The following DPY19L3 variants were observed in gnomAD, a reference collection of about 807,000 sequenced individuals.
DPY19L3 encodes the protein dpy-19 like C-mannosyltransferase 3.
In DPY19L3, 51 loss-of-function variants were observed where a neutral mutation model predicts 92.3. That is an observed-to-expected ratio of 0.55 (90% CI 0.44 to 0.70). DPY19L3 has a LOEUF of 0.70. DPY19L3 is among the 30% of genes least tolerant of loss of function. DPY19L3 has a pLI of 0.00. For missense variants in DPY19L3, 706 were observed against 855.9 expected (o/e 0.82, Z 2.18); for synonymous variants, 309 against 315.2 (o/e 0.98, Z 0.21).
Position 32,432,713 on chromosome 19 carries a change from T to G in DPY19L3, c.238-3T>G, listed in dbSNP as rs766754112. ...AAACCCATAGGATCTAACTCTGTTT[T>G]AGGAAGTGGAGCGAGAAATCTCATT... On this transcript the variant is annotated splice_region_variant and splice_polypyrimidine_tract_variant and intron_variant, in intron 3 of 18. Coordinates refer to ENST00000392250, the MANE Select transcript of DPY19L3 (RefSeq NM_001172774.2). The G allele has an allele frequency of 6.2e-7, 1 of 1,613,488 alleles. No individual in the cohort carries two copies. The highest frequency in any genetic ancestry group is 1.3e-5 in the African/African-American group (1 of 74,922).
chr19:32,480,802 G>A, intron 18 of DPY19L3: 1 of 555,166 alleles, frequency 1.8e-6, no homozygotes. Context: ...AAACAGAGCA[G>A]CTCTGCCTTC....
chr19:32,432,643 C>A, intron 3 of DPY19L3, 73 bp from the exon 4 acceptor site: 1 of 1,282,394 alleles, frequency 7.8e-7, no homozygotes, highest in Non-Finnish European at 1.1e-6. Context: ...AGTTATGTAT[C>A]CTTTCTACAG....
intron 17 of DPY19L3, among the ~76,000 whole-genome samples, chr19:32,478,776 A>G (rs1354096510): frequency 6.6e-6 from 1 of 152,204 alleles, no homozygotes; most frequent in East Asian, 1.9e-4. Context: ...TGGATGTGGC[A>G]TATTTTATTT....
At chr19:32,408,088 G>A (rs867914686) in intron 1 of DPY19L3, 129 bp from the exon 2 acceptor site, 72 of 597,098 alleles carry the variant, frequency 1.2e-4, no homozygotes, top group African/African-American at 1.1e-3. Flanking sequence ...GTCTTGGGGG[G>A]AAGAAAAAAA....
At chr19:32,441,170 A>G (rs771863961) in intron 8 of DPY19L3, among the ~76,000 whole-genome samples, 2 of 152,206 alleles carry the variant, frequency 1.3e-5, no homozygotes, top group Non-Finnish European at 2.9e-5. Context: ...TGTCCTAAGT[A>G]AATAATCTGC....
intron 16 of DPY19L3, 142 bp downstream of exon 16, chr19:32,468,955 A>T: frequency 1.4e-6 from 1 of 697,944 alleles, no homozygotes. Flanking sequence ...TTTCTTTAAA[A>T]CTCCATATTT....
At chr19:32,456,810 A>G (rs1057190089) in intron 10 of DPY19L3, among the ~76,000 whole-genome samples, 2 of 152,106 alleles carry the variant, frequency 1.3e-5, no homozygotes, top group Admixed American at 6.6e-5. Flanking sequence ...GTGTCAAAAT[A>G]TCTCATATAC....
At chr19:32,437,059 T>G in intron 5 of DPY19L3, 135 bp from the exon 6 acceptor site, 3 of 981,512 alleles carry the variant, frequency 3.1e-6, no homozygotes, top group East Asian at 2.6e-5. Context: ...CTCTAATAGA[T>G]GAAAGGGGTG....
chr19:32,448,461 C>T lies in DPY19L3; in HGVS notation c.856-4684C>T, dbSNP rs933634366. Among the ~76,000 whole-genome samples, 10 of 152,234 alleles carry T rather than the reference C, an allele frequency of 6.6e-5. No individual in the cohort carries two copies. In the East Asian group the frequency reaches 1.7e-3, roughly 26 times the overall value. Reference sequence around the variant, plus strand: ...ATTTTTGACTCCCCAAAAACTCAATCGCTAGTAGCCTACTGTTGACCAGAA... The same window carrying T: ...ATTTTTGACTCCCCAAAAACTCAATTGCTAGTAGCCTACTGTTGACCAGAA... On this transcript the variant is annotated intron_variant, in intron 8 of 18. Coordinates refer to ENST00000392250, the MANE Select transcript of DPY19L3 (RefSeq NM_001172774.2).
intron 3 of DPY19L3, among the ~76,000 whole-genome samples, chr19:32,422,105 C>T (rs1051023808): frequency 6.6e-6 from 1 of 152,082 alleles, no homozygotes; most frequent in African/African-American, 2.4e-5. Flanking sequence ...TCTGACATAA[C>T]TGATAAGGAA....
chr19:32,469,685 A>G (rs1341261294), intron 16 of DPY19L3, among the ~76,000 whole-genome samples: 5 of 152,142 alleles, frequency 3.3e-5, no homozygotes, highest in South Asian at 2.1e-4. Context: ...CTTGAATATC[A>G]TAATGCTTTA....
At chr19:32,456,775 T>C (rs1969879304) in intron 10 of DPY19L3, among the ~76,000 whole-genome samples, 1 of 152,160 alleles carries the variant, frequency 6.6e-6, no homozygotes, top group Non-Finnish European at 1.5e-5. Context: ...TTTATCCTGA[T>C]GGAATTATTA....
chr19:32,413,521 A>T (rs963137577), intron 3 of DPY19L3, among the ~76,000 whole-genome samples: 3 of 151,816 alleles, frequency 2.0e-5, no homozygotes, highest in African/African-American at 7.3e-5. Flanking sequence ...ACATATGTAT[A>T]CATGTGCCAT....
In DPY19L3 at chr19:32,480,511, G is replaced by A. The variant is rs141957585; in HGVS notation, c.1943G>A (p.Arg648His). ...EDSICYERRH[R>H]RGCRLRDLLD... ...AGCATCTGCTACGAGCGGAGGCACC[G>A]CCGGGGCTGCCGACTCCGGGACCTG... Residue 648 changes from arginine to histidine, a missense_variant, in exon 18 of 19, where the codon CGC (arginine) becomes CAC (histidine). By Grantham distance (29) the Arg-to-His change is conservative. Coordinates refer to ENST00000392250, the MANE Select transcript of DPY19L3 (RefSeq NM_001172774.2). The A allele has an allele frequency of 3.6e-5, 58 of 1,613,964 alleles. No homozygotes were observed. The highest frequency in any genetic ancestry group is 6.7e-5 in the African/African-American group (5 of 74,942).
chr19:32,463,568 A>G, intron 13 of DPY19L3, 80 bp downstream of exon 13: 1 of 1,465,978 alleles, frequency 6.8e-7, no homozygotes, highest in Non-Finnish European at 9.3e-7. Flanking sequence ...GGAAAGTGAC[A>G]ATCATCTTCA....
intron 3 of DPY19L3, among the ~76,000 whole-genome samples, chr19:32,413,914 TG>T (rs1968286512): frequency 6.6e-6 from 1 of 152,074 alleles, no homozygotes; most frequent in African/African-American, 2.4e-5. Context: ...TTTGTAGAGA[TG>T]GGCCTACTAT....
In DPY19L3 at chr19:32,468,857, A is replaced by G. The variant is rs953842554; in HGVS notation, c.1697+44A>G. On this transcript the variant is annotated intron_variant, in intron 16 of 18. Coordinates refer to ENST00000392250, the MANE Select transcript of DPY19L3 (RefSeq NM_001172774.2). ...ACTTTTAAAATTTTAAGTGCCTTTT[A>G]AGAGTCACTATAGACCACATTTCGT... The G allele has an allele frequency of 3.1e-6, 5 of 1,600,244 alleles. No homozygotes were observed. The African/African-American group carries it at 5.4e-5, about 17-fold the overall frequency.
chr19:32,451,921 A>G (rs1057146371), intron 8 of DPY19L3, among the ~76,000 whole-genome samples: 23 of 151,632 alleles, frequency 1.5e-4, no homozygotes, highest in African/African-American at 5.6e-4. Flanking sequence ...TGCAGCCTCA[A>G]CCTCCTGGAC....
intron 16 of DPY19L3, among the ~76,000 whole-genome samples, chr19:32,475,481 C>T (rs901050401): frequency 3.3e-5 from 5 of 152,170 alleles, no homozygotes; most frequent in Admixed American, 2.0e-4. Flanking sequence ...GTTATCGTAT[C>T]GTTGATTGCT....
Sources: gnomAD v4.1 joint callset for allele counts (sites outside exome capture counted in the v4.1 genomes callset) on GRCh38, gnomAD v4.1.1 for gene constraint, MANE v1.5 for transcripts, NCBI Gene and HGNC (gene_info 2026-07-23, HGNC 2026-07-21) for gene names.